Variants in TYW1 observed in about 807,000 individuals in gnomAD.
TYW1 encodes tRNA-yW synthesizing protein 1 homolog.
Under a neutral mutation model 96.2 loss-of-function variants are expected in TYW1, and 46 were observed. That is an observed-to-expected ratio of 0.48 (90% CI 0.38 to 0.61). TYW1 has a LOEUF of 0.61. TYW1 is among the 20% of genes least tolerant of loss of function. The pLI is 0.00. For missense variants in TYW1, 684 were observed against 909.6 expected (o/e 0.75, Z 3.19); for synonymous variants, 274 against 323.0 (o/e 0.85, Z 1.63).
chr7:67,168,783 CT>C (rs1799431421), intron 13 of TYW1, among the ~76,000 whole-genome samples: 1 of 151,970 alleles, frequency 6.6e-6, no homozygotes, highest in African/African-American at 2.4e-5. Context: ...GCGATCTTGG[CT>C]CACTGCCACC....
chr7:67,014,486 C>A lies in TYW1; in HGVS notation c.495C>A (p.Gly165=), dbSNP rs773247143. 6 of 1,613,780 alleles carry A rather than the reference C, an allele frequency of 3.7e-6. No individual in the cohort carries two copies. The highest frequency in any genetic ancestry group is 1.7e-5 in the Admixed American group (1 of 59,970). ...AAGCATCCATTGATTTTCGATTTGGCAAAACTTACCTGAAGGGTATGAGAT... is the reference window on the plus strand; with the variant it reads ...AAGCATCCATTGATTTTCGATTTGGAAAAACTTACCTGAAGGGTATGAGAT... ...LEEASIDFRF[G]KTYLKGMRYA... The change falls in exon 5 of 16, where the codon GGC becomes GGA. Residue 165 remains glycine (G), a synonymous_variant. Coordinates refer to ENST00000359626, the MANE Select transcript of TYW1 (RefSeq NM_018264.4).
intron 4 of TYW1, among the ~76,000 whole-genome samples, chr7:67,013,288 A>G (rs1793881723): frequency 1.3e-5 from 2 of 151,630 alleles, no homozygotes; most frequent in South Asian, 4.2e-4. Flanking sequence ...ACGCTTGCCT[A>G]GTTTTTGTAT....
intron 15 of TYW1, among the ~76,000 whole-genome samples, chr7:67,204,379 C>A (rs1165216157): frequency 6.6e-6 from 1 of 151,958 alleles, no homozygotes; most frequent in Admixed American, 6.6e-5. Flanking sequence ...TCTGTTGAAC[C>A]ATTTATTATT....
intron 15 of TYW1, among the ~76,000 whole-genome samples, chr7:67,205,522 G>A (rs1422460079): frequency 6.6e-6 from 1 of 151,574 alleles, no homozygotes; most frequent in East Asian, 1.9e-4. Context: ...GGCTCCCTGT[G>A]TAGTCTGTAT....
intron 11 of TYW1, among the ~76,000 whole-genome samples, chr7:67,094,706 A>G (rs542418892): frequency 1.4e-4 from 21 of 150,434 alleles, no homozygotes; most frequent in Non-Finnish European, 1.5e-4. Flanking sequence ...CACAGCTGAC[A>G]CCAATACCTT....
chr7:67,012,180 CGT>C (rs1428025662), intron 4 of TYW1, among the ~76,000 whole-genome samples: 1 of 151,906 alleles, frequency 6.6e-6, no homozygotes, highest in Non-Finnish European at 1.5e-5. Flanking sequence ...GGTGAAACCC[CGT>C]CTCTATTAAA....
intron 15 of TYW1, among the ~76,000 whole-genome samples, chr7:67,197,805 C>T (rs1563066937): frequency 6.6e-6 from 1 of 151,724 alleles, no homozygotes; most frequent in Non-Finnish European, 1.5e-5. Flanking sequence ...GAAATTATTT[C>T]AAATTTACAA....
rs1450448152 is a variant in TYW1, at chr7:67,224,055, C to T, written c.1978-14253C>T. 2.6e-5 allele frequency among the ~76,000 whole-genome samples: 4 copies of T among 152,142 alleles called. No homozygotes were observed. In the East Asian group the frequency reaches 5.8e-4, roughly 22 times the overall value. On this transcript the variant is annotated intron_variant, in intron 15 of 15. Transcript: ENST00000359626. ...GAAGTAAATTAACTTTGCTATTCTC[C>T]TTCAGCACAACACAAGGACTTTCCT...
chr7:67,048,190 C>A (rs1310697477), intron 7 of TYW1, among the ~76,000 whole-genome samples: 3 of 146,680 alleles, frequency 2.0e-5, no homozygotes, highest in African/African-American at 7.6e-5. Context: ...ATGGGCCATC[C>A]TCCCCTAGGT....
chr7:67,214,845 A>T (rs1221469321), intron 15 of TYW1, among the ~76,000 whole-genome samples: 2 of 150,992 alleles, frequency 1.3e-5, no homozygotes, highest in Non-Finnish European at 2.9e-5. Context: ...CCCTACCTGG[A>T]ATAAGTCCCA....
At chr7:66,997,144 C>T (rs1584442330) in intron 1 of TYW1, among the ~76,000 whole-genome samples, 162 bp downstream of exon 1, 2 of 152,354 alleles carry the variant, frequency 1.3e-5, no homozygotes, top group South Asian at 4.1e-4. Context: ...GGACTGATCC[C>T]TACTTTTGAC....
chr7:67,121,050 G>A (rs908906147), intron 13 of TYW1, among the ~76,000 whole-genome samples: 3 of 152,202 alleles, frequency 2.0e-5, no homozygotes, highest in African/African-American at 4.8e-5. Context: ...TTGTTGCCTT[G>A]TGAGAGAAGA....
At chr7:67,072,658 A>G (rs1796065436) in intron 10 of TYW1, among the ~76,000 whole-genome samples, 1 of 152,212 alleles carries the variant, frequency 6.6e-6, no homozygotes, top group African/African-American at 2.4e-5. Context: ...GGATAATCAT[A>G]TTCCATTTAC....
intron 13 of TYW1, among the ~76,000 whole-genome samples, chr7:67,124,806 C>CT (rs1311455250): frequency 6.6e-6 from 1 of 151,888 alleles, no homozygotes; most frequent in East Asian, 1.9e-4. Context: ...AATATATCTT[C>CT]TCCCAGTCTG....
intron 13 of TYW1, among the ~76,000 whole-genome samples, chr7:67,171,963 C>G (rs1250107808): frequency 1.3e-5 from 2 of 152,096 alleles, no homozygotes; most frequent in African/African-American, 2.4e-5. Context: ...ATCTCTGCTT[C>G]CATCTGAAGG....
intron 7 of TYW1, among the ~76,000 whole-genome samples, chr7:67,028,916 G>A (rs1794549012): frequency 6.6e-6 from 1 of 152,180 alleles, no homozygotes; most frequent in Non-Finnish European, 1.5e-5. Context: ...ATATTGTTGT[G>A]TGGCTCTGAA....
chr7:67,104,092 A>G (rs775574786), intron 12 of TYW1, among the ~76,000 whole-genome samples: 1 of 152,072 alleles, frequency 6.6e-6, no homozygotes, highest in Non-Finnish European at 1.5e-5. Context: ...GGGAATCTAG[A>G]CTTTGTCAAT....
chr7:67,148,535 C>A (rs2116150692), intron 13 of TYW1, among the ~76,000 whole-genome samples: 1 of 150,556 alleles, frequency 6.6e-6, no homozygotes, highest in East Asian at 2.0e-4. Flanking sequence ...ACGCCATTCT[C>A]CTGCCTCAGC....
chr7:67,149,193 G>A (rs566998579), intron 13 of TYW1, among the ~76,000 whole-genome samples: 3 of 152,158 alleles, frequency 2.0e-5, no homozygotes, highest in Non-Finnish European at 4.4e-5. Context: ...GAATCATCAT[G>A]TTTGATTTAT....
Sources: gnomAD v4.1 joint callset for allele counts (sites outside exome capture counted in the v4.1 genomes callset) on GRCh38, gnomAD v4.1.1 for gene constraint, MANE v1.5 for transcripts, NCBI Gene and HGNC (gene_info 2026-07-23, HGNC 2026-07-21) for gene names.